Variants in ANKRD30B observed in about 807,000 individuals in gnomAD.
ANKRD30B encodes the protein ankyrin repeat domain 30B, also known as ankyrin repeat domain-containing protein 30B.
ANKRD30B carries 144 observed loss-of-function variants against 202.2 expected under a neutral mutation model. The observed-to-expected ratio is 0.71, with a 90% CI of 0.62 to 0.82. ANKRD30B has a LOEUF of 0.82. ANKRD30B is among the 40% of genes least tolerant of loss of function. The pLI is 0.00. For synonymous variants in ANKRD30B, 508 were observed against 561.3 expected (o/e 0.91, Z 1.34); for missense variants, 1,487 against 1,669.1 (o/e 0.89, Z 1.90).
the ANKRD30B span, among the ~76,000 whole-genome samples, chr18:14,872,216 T>C: frequency 6.6e-6 from 1 of 152,204 alleles, no homozygotes; most frequent in Non-Finnish European, 1.5e-5. Context: ...TTGTTGGTGC[T>C]GATGGTGAAA....
Position 14,800,318 on chromosome 18 carries a change from T to A in ANKRD30B, c.2131+1023T>A, listed in dbSNP as rs546721711. On this transcript the variant is annotated intron_variant, in intron 22 of 43. Transcript: ENST00000690538. ...GACGTCTTAAATTTTCTTTTTTTTTTAAATTTTGATATGGCGTCTCGCTGT... is the reference window on the plus strand; with the variant it reads ...GACGTCTTAAATTTTCTTTTTTTTTAAAATTTTGATATGGCGTCTCGCTGT... Among the ~76,000 whole-genome samples, 273 of 150,022 alleles carry A rather than the reference T, an allele frequency of 1.8e-3. 2 individuals are homozygous for A. Among genetic ancestry groups the A allele is most frequent in the Middle Eastern group, 0.014 (4 of 292 alleles).
At chr18:14,782,158 G>T (rs571412652) in intron 11 of ANKRD30B, among the ~76,000 whole-genome samples, 70 of 152,266 alleles carry the variant, frequency 4.6e-4, no homozygotes, top group African/African-American at 1.6e-3. Flanking sequence ...ATGCGTTATG[G>T]CAGGTAGCAA....
At chr18:14,877,381 T>G in the ANKRD30B span, among the ~76,000 whole-genome samples, 1 of 152,032 alleles carries the variant, frequency 6.6e-6, no homozygotes, top group African/African-American at 2.4e-5. Context: ...TAGTTGACTT[T>G]CTGGCCTTTG....
At position 14,748,406 on chromosome 18, in the gene ANKRD30B, A is replaced by AG; in HGVS notation, c.-9dup. On this transcript the variant is annotated 5_prime_UTR_variant, in exon 1 of 44. Transcript: ENST00000690538. The stretch of plus-strand genomic sequence containing the variant: ...GCGGGAGGCGCGGGCTCTCTCTAGC[A>AG]GGGGGCTGCAGCCATGAAGAGGCTC... 1 of 1,465,520 alleles carries AG rather than the reference A, an allele frequency of 6.8e-7. No homozygotes were observed. The highest frequency in any genetic ancestry group is 9.0e-7 in the Non-Finnish European group (1 of 1,105,464). The allele number at this position is 1,465,520 out of a possible 1,614,324, so 90.8% of individuals were successfully genotyped here. A position where few individuals can be genotyped will look rare whatever the true frequency, so the allele number is the denominator to read the frequency against.
chr18:14,844,491 C>T (rs1046243721), intron 39 of ANKRD30B, among the ~76,000 whole-genome samples: 14 of 152,154 alleles, frequency 9.2e-5, no homozygotes, highest in African/African-American at 3.4e-4. Context: ...CATTGATGGG[C>T]ATTTGGGTTG....
At chr18:14,926,144 C>T in the ANKRD30B span, among the ~76,000 whole-genome samples, 2 of 152,282 alleles carry the variant, frequency 1.3e-5, no homozygotes, top group Admixed American at 1.3e-4. Context: ...ATCTCTGCGG[C>T]AGTTGGAGTC....
intron 30 of ANKRD30B, among the ~76,000 whole-genome samples, chr18:14,821,340 C>T (rs1056236485): frequency 5.3e-5 from 8 of 151,752 alleles, no homozygotes; most frequent in African/African-American, 9.7e-5. Context: ...ATTTTTTGAA[C>T]GGTTTTTTGT....
intron 26 of ANKRD30B, among the ~76,000 whole-genome samples, chr18:14,809,771 G>A (rs1406140553): frequency 2.0e-5 from 3 of 150,966 alleles, no homozygotes; most frequent in Admixed American, 6.6e-5. Flanking sequence ...CAATAATCAG[G>A]AGCATTGCAT....
chr18:14,778,883 C>T (rs1361079075), intron 10 of ANKRD30B, among the ~76,000 whole-genome samples: 4 of 152,166 alleles, frequency 2.6e-5, no homozygotes, highest in Admixed American at 2.6e-4. Context: ...CAAGGGAAAG[C>T]ATTATATTGC....
intron 11 of ANKRD30B, among the ~76,000 whole-genome samples, chr18:14,781,288 CT>C (rs892666549): frequency 0.016 from 1,380 of 85,570 alleles, 9 homozygotes; most frequent in African/African-American, 0.042. Context: ...TCTGAGTATT[CT>C]TTTTTTTTTT....
chr18:14,772,878 A>T (rs1050759397), intron 9 of ANKRD30B, among the ~76,000 whole-genome samples: 2 of 152,096 alleles, frequency 1.3e-5, no homozygotes, highest in Non-Finnish European at 2.9e-5. Flanking sequence ...GCTACCAGGG[A>T]GGCTGATGCA....
rs1324641178 is a variant in ANKRD30B, at chr18:14,795,603, T to A, written c.1826-618T>A. Among the ~76,000 whole-genome samples, 6 of 152,292 alleles carry A rather than the reference T, an allele frequency of 3.9e-5. No individual in the cohort carries two copies. The East Asian group carries it at 5.8e-4, about 15-fold the overall frequency. On this transcript the variant is annotated intron_variant, in intron 16 of 43. Coordinates refer to ENST00000690538, the MANE Select transcript of ANKRD30B (RefSeq NM_001367607.2). ...CCCATAAATGTAAAAATACTCCTAT[T>A]TCACAGAGGTTCAAAAATAAATATA...
chr18:14,763,622 A>G, intron 6 of ANKRD30B, 64 bp from the exon 7 acceptor site: 1 of 1,578,064 alleles, frequency 6.3e-7, no homozygotes, highest in African/African-American at 1.3e-5. Context: ...GAAGTTTGCC[A>G]GGTGAAGTCA....
intron 28 of ANKRD30B, among the ~76,000 whole-genome samples, chr18:14,810,876 G>A (rs1598658854): frequency 6.6e-6 from 1 of 151,246 alleles, no homozygotes. Context: ...CAATTTAGGA[G>A]ACCAAGGTGG....
the ANKRD30B span, among the ~76,000 whole-genome samples, chr18:14,865,978 G>C: frequency 6.6e-6 from 1 of 152,158 alleles, no homozygotes; most frequent in African/African-American, 2.4e-5. Flanking sequence ...TTGGATAAGA[G>C]AAAGCCCGGA....
intron 16 of ANKRD30B, 53 bp downstream of exon 16, chr18:14,791,544 T>G: frequency 7.1e-7 from 1 of 1,402,328 alleles, no homozygotes; most frequent in African/African-American, 1.4e-5. Flanking sequence ...TTATCTAAAC[T>G]GATGAGGAAG....
chr18:14,871,309 T>C, the ANKRD30B span, among the ~76,000 whole-genome samples: 2 of 137,456 alleles, frequency 1.5e-5, no homozygotes, highest in Non-Finnish European at 3.1e-5. Flanking sequence ...ACATACCAAT[T>C]CCCACGCTCT....
At chr18:14,832,484 G>T (rs569079383) in intron 34 of ANKRD30B, among the ~76,000 whole-genome samples, 2 of 152,124 alleles carry the variant, frequency 1.3e-5, no homozygotes, top group Non-Finnish European at 2.9e-5. Context: ...AATTTCAGAA[G>T]ATTTTGTATT....
intron 7 of ANKRD30B, among the ~76,000 whole-genome samples, chr18:14,769,098 CT>C (rs1411491612): frequency 7.4e-4 from 113 of 152,158 alleles, no homozygotes; most frequent in South Asian, 4.1e-4. Flanking sequence ...GAATATTATG[CT>C]TTTTTAAACA....
Sources: allele counts gnomAD v4.1 joint callset (sites outside exome capture counted in the v4.1 genomes callset), GRCh38; gene constraint gnomAD v4.1.1; transcripts MANE v1.5; gene names NCBI Gene and HGNC (gene_info 2026-07-23, HGNC 2026-07-21).